CALN1: variants seen among roughly 807,000 people sequenced by gnomAD.
The protein encoded by CALN1 is calneuron 1.
In CALN1, 17 loss-of-function variants were observed where a neutral mutation model predicts 30.6. The ratio of observed to expected loss-of-function variants is 0.56; its 90% CI spans 0.38 to 0.83. The LOEUF (loss-of-function observed/expected upper bound fraction) is 0.83, where lower values mean the gene tolerates loss of function less well. Among genes scored for constraint, CALN1 ranks in the 40% least tolerant of loss-of-function variants. The probability of loss-of-function intolerance (pLI) is 0.00; values close to 1 mark genes in which losing one functional copy is unlikely to be tolerated. For missense variants in CALN1, 291 were observed against 354.9 expected, an observed-to-expected ratio of 0.82 and a Z score of 1.45; for synonymous variants, 156 against 131.4, an observed-to-expected ratio of 1.19 and a Z score of -1.28.
chr7:72,328,198 T>G (rs902454164), intron 2 of CALN1, among the ~76,000 whole-genome samples: 3 of 152,182 alleles, frequency 2.0e-5, no homozygotes, highest in Non-Finnish European at 4.4e-5. Context: ...TGTCAAAACA[T>G]GTAATACAGT....
At chr7:72,199,757 C>T (rs991209532) in intron 3 of CALN1, among the ~76,000 whole-genome samples, 5 of 151,844 alleles carry the variant, frequency 3.3e-5, no homozygotes, top group Admixed American at 6.6e-5. Flanking sequence ...TCGCTGGAGC[C>T]CAGGAGGTCA....
chr7:72,040,627 T>C (rs1240532007), intron 4 of CALN1, among the ~76,000 whole-genome samples: 1 of 152,204 alleles, frequency 6.6e-6, no homozygotes, highest in Non-Finnish European at 1.5e-5. Flanking sequence ...AAGGTTAAAT[T>C]GTCTCATAAC....
At chr7:72,238,884 T>C (rs1794653250) in intron 3 of CALN1, among the ~76,000 whole-genome samples, 1 of 152,094 alleles carries the variant, frequency 6.6e-6, no homozygotes, top group South Asian at 2.1e-4. Flanking sequence ...TAATACAGTG[T>C]CATAGAAAAA....
intron 3 of CALN1, among the ~76,000 whole-genome samples, chr7:72,262,350 T>G (rs1279473154): frequency 2.0e-5 from 3 of 152,160 alleles, no homozygotes; most frequent in Non-Finnish European, 4.4e-5. Flanking sequence ...GGATCTTTTT[T>G]GTTTCTTTTT....
At chr7:72,232,259 G>C (rs966255188) in intron 3 of CALN1, among the ~76,000 whole-genome samples, 4 of 152,172 alleles carry the variant, frequency 2.6e-5, no homozygotes, top group Non-Finnish European at 4.4e-5. Flanking sequence ...TCCCATTGTA[G>C]AACCGTCATC....
intron 5 of CALN1, among the ~76,000 whole-genome samples, chr7:71,893,077 C>T (rs1461055941): frequency 2.0e-5 from 3 of 152,234 alleles, no homozygotes; most frequent in African/African-American, 7.2e-5. Flanking sequence ...TTGTTCATTA[C>T]GTTAGATACC....
chr7:71,965,962 C>A (rs530396357), intron 5 of CALN1, among the ~76,000 whole-genome samples: 117 of 152,288 alleles, frequency 7.7e-4, no homozygotes, highest in African/African-American at 2.6e-3. Context: ...TTTTGCAAAA[C>A]CATCAACACC....
At chr7:72,261,125 T>G (rs1015992309) in intron 3 of CALN1, among the ~76,000 whole-genome samples, 1 of 151,978 alleles carries the variant, frequency 6.6e-6, no homozygotes, top group Non-Finnish European at 1.5e-5. Flanking sequence ...TGGGCCAACA[T>G]AGTGAAACCC....
chr7:72,336,113 C>A (rs1802013765), intron 2 of CALN1, among the ~76,000 whole-genome samples: 1 of 152,170 alleles, frequency 6.6e-6, no homozygotes, highest in South Asian at 2.1e-4. Context: ...CCCTGGCGCC[C>A]CCGGACTCGG....
intron 3 of CALN1, among the ~76,000 whole-genome samples, chr7:72,150,043 G>T (rs1443823503): frequency 6.7e-6 from 1 of 150,274 alleles, no homozygotes; most frequent in Non-Finnish European, 1.5e-5. Flanking sequence ...AGAATCAGTT[G>T]AACCCAGGAG....
At chr7:72,157,893 G>A (rs188039305) in intron 3 of CALN1, among the ~76,000 whole-genome samples, 37 of 152,148 alleles carry the variant, frequency 2.4e-4, no homozygotes, top group Non-Finnish European at 4.4e-4. Context: ...ACAGGCACCC[G>A]CCACCATGCC....
chr7:72,449,601 G>A (rs997280023), upstream of CALN1, among the ~76,000 whole-genome samples: 16 of 152,140 alleles, frequency 1.1e-4, no homozygotes, highest in East Asian at 7.7e-4. Flanking sequence ...GGCTGGGCGC[G>A]GTGGCTCATG....
chr7:72,386,416 A>G (rs534088531), intron 2 of CALN1, among the ~76,000 whole-genome samples: 22 of 152,320 alleles, frequency 1.4e-4, no homozygotes, highest in Admixed American at 9.8e-4. Context: ...AAGGAACTAT[A>G]CATAAGCGTT....
intron 2 of CALN1, among the ~76,000 whole-genome samples, chr7:72,386,437 AGGTTGTCT>A (rs1805213438): frequency 6.6e-6 from 1 of 152,226 alleles, no homozygotes. Flanking sequence ...TTAGTTGATA[AGGTTGTCT>A]CCTATGGGTA....
At chr7:72,222,468 T>C (rs576586897) in intron 3 of CALN1, among the ~76,000 whole-genome samples, 1 of 152,274 alleles carries the variant, frequency 6.6e-6, no homozygotes, top group African/African-American at 2.4e-5. Flanking sequence ...GAGAACTCAC[T>C]CACTGTCATA....
chr7:72,369,321 A>AAT, intron 2 of CALN1, among the ~76,000 whole-genome samples: 1 of 136,942 alleles, frequency 7.3e-6, no homozygotes, highest in African/African-American at 2.5e-5. Context: ...AAATATTTAT[A>AAT]ATATATATAA....
chr7:72,326,260 A>C (rs1801269975), intron 2 of CALN1, among the ~76,000 whole-genome samples: 2 of 152,168 alleles, frequency 1.3e-5, no homozygotes. Flanking sequence ...CCTTGCACAA[A>C]GGTTGCTTGT....
chr7:72,076,408 G>A (rs149506077), intron 4 of CALN1, among the ~76,000 whole-genome samples: 2 of 151,342 alleles, frequency 1.3e-5, no homozygotes, highest in Non-Finnish European at 2.9e-5. Flanking sequence ...AGACCAGCCT[G>A]ACCAACATGG....
At chr7:71,805,308 G>C (rs1030982506) in intron 6 of CALN1, among the ~76,000 whole-genome samples, 1 of 152,208 alleles carries the variant, frequency 6.6e-6, no homozygotes, top group African/African-American at 2.4e-5. Context: ...CTAGGGATGA[G>C]GGGTGGGTTA....
Sources: gnomAD v4.1 joint callset for allele counts (sites outside exome capture counted in the v4.1 genomes callset) on GRCh38, gnomAD v4.1.1 for gene constraint, MANE v1.5 for transcripts, NCBI Gene and HGNC (gene_info 2026-07-23, HGNC 2026-07-21) for gene names.